LRRC4C: variants seen among roughly 807,000 people sequenced by gnomAD.
LRRC4C encodes leucine-rich repeat-containing protein 4C.
LRRC4C carries 5 observed loss-of-function variants against 33.6 expected under a neutral mutation model. That is an observed-to-expected ratio of 0.15 (90% CI 0.08 to 0.31). LRRC4C has a LOEUF of 0.31. Among genes scored for constraint, LRRC4C ranks in the 10% least tolerant of loss-of-function variants. The probability of loss-of-function intolerance (pLI) is 1.00; values close to 1 mark genes in which losing one functional copy is unlikely to be tolerated. For synonymous variants in LRRC4C, 329 were observed against 302.0 expected (o/e 1.09, Z -0.93); for missense variants, 560 against 796.7 (o/e 0.70, Z 3.58).
intron 1 of LRRC4C, among the ~76,000 whole-genome samples, chr11:40,945,393 T>A (rs990110607): frequency 6.6e-6 from 1 of 152,128 alleles, no homozygotes; most frequent in Non-Finnish European, 1.5e-5. Flanking sequence ...TTAAAAAAAG[T>A]TATCAATTTA....
chr11:40,701,135 T>G (rs183813068), intron 2 of LRRC4C, among the ~76,000 whole-genome samples: 1 of 152,278 alleles, frequency 6.6e-6, no homozygotes, highest in Admixed American at 6.5e-5. Flanking sequence ...AAAGATTTAA[T>G]TATAATCAAA....
intron 1 of LRRC4C, among the ~76,000 whole-genome samples, chr11:41,405,336 T>G (rs1212767601): frequency 6.6e-6 from 1 of 152,148 alleles, no homozygotes; most frequent in Non-Finnish European, 1.5e-5. Flanking sequence ...CATCCAATTT[T>G]CTTGCTTAAA....
chr11:41,080,899 A>G (rs1939524809), intron 1 of LRRC4C, among the ~76,000 whole-genome samples: 1 of 152,194 alleles, frequency 6.6e-6, no homozygotes, highest in Non-Finnish European at 1.5e-5. Context: ...GTCTGAGAAG[A>G]AATTTGATAC....
intron 4 of LRRC4C, among the ~76,000 whole-genome samples, chr11:40,288,597 C>A (rs1402826680): frequency 1.3e-5 from 2 of 152,160 alleles, no homozygotes; most frequent in African/African-American, 4.8e-5. Flanking sequence ...ACCATGACTG[C>A]CTGCCTCAGA....
intron 2 of LRRC4C, among the ~76,000 whole-genome samples, chr11:40,790,656 T>C (rs992737155): frequency 3.3e-5 from 5 of 152,194 alleles, no homozygotes; most frequent in Admixed American, 2.0e-4. Context: ...ACACAGTGCA[T>C]TGGCCTAAAA....
At chr11:40,156,055 G>A (rs973888665) in intron 5 of LRRC4C, among the ~76,000 whole-genome samples, 6 of 151,970 alleles carry the variant, frequency 3.9e-5, no homozygotes, top group African/African-American at 1.2e-4. Flanking sequence ...ACATACGCAC[G>A]TCAATAAATG....
intron 1 of LRRC4C, among the ~76,000 whole-genome samples, chr11:41,176,982 CAAA>C (rs1945230298): frequency 7.7e-5 from 1 of 12,988 alleles, no homozygotes; most frequent in Non-Finnish European, 5.1e-4. Flanking sequence ...CAAAACAAAA[CAAA>C]ACAAAACAAA....
chr11:41,043,261 C>T (rs1426221151), intron 1 of LRRC4C, among the ~76,000 whole-genome samples: 1 of 151,914 alleles, frequency 6.6e-6, no homozygotes, highest in African/African-American at 2.4e-5. Context: ...GTCAAATCCC[C>T]TTGGCTCTTG....
rs187870745 is a variant in LRRC4C at position 40,449,881 on chromosome 11, G to A, written c.-269-130160C>T. On this transcript the variant is annotated intron_variant, in intron 3 of 6. Coordinates refer to ENST00000528697, the MANE Select transcript of LRRC4C (RefSeq NM_001258419.2). ...TGCTATCTGGAGAAATATATTTTCA[G>A]GTAAGGGGAAAGCTGTCCAGAACTC... Among the ~76,000 whole-genome samples, 11 of 152,286 alleles carry A rather than the reference G, an allele frequency of 7.2e-5. No individual in the cohort carries two copies. In the East Asian group the frequency reaches 1.4e-3, roughly 19 times the overall value.
intron 1 of LRRC4C, among the ~76,000 whole-genome samples, chr11:41,284,986 T>A (rs917718538): frequency 1.3e-5 from 2 of 152,204 alleles, no homozygotes; most frequent in African/African-American, 2.4e-5. Context: ...TTTCATCTAA[T>A]TGGTGAAGTA....
intron 3 of LRRC4C, among the ~76,000 whole-genome samples, chr11:40,506,691 A>AT (rs1157808757): frequency 6.6e-6 from 1 of 152,158 alleles, no homozygotes; most frequent in African/African-American, 2.4e-5. Flanking sequence ...AAAAATAGCC[A>AT]TAAAAATTAG....
chr11:40,424,801 A>G (rs1428773165), intron 3 of LRRC4C, among the ~76,000 whole-genome samples: 1 of 152,232 alleles, frequency 6.6e-6, no homozygotes, highest in Non-Finnish European at 1.5e-5. Context: ...AATTCACTCC[A>G]AACTTTTAAC....
chr11:40,118,105 C>A (rs566355010), intron 6 of LRRC4C, among the ~76,000 whole-genome samples: 12 of 147,520 alleles, frequency 8.1e-5, no homozygotes, highest in Non-Finnish European at 1.6e-4. Context: ...ATATTAATTT[C>A]ATTATAAATT....
At chr11:41,352,564 A>G (rs1464725775) in intron 1 of LRRC4C, among the ~76,000 whole-genome samples, 2 of 152,192 alleles carry the variant, frequency 1.3e-5, no homozygotes, top group African/African-American at 2.4e-5. Flanking sequence ...ACAACAGAAT[A>G]GACAGTCTTC....
At chr11:40,990,170 A>G (rs1853411881) in intron 1 of LRRC4C, among the ~76,000 whole-genome samples, 1 of 146,298 alleles carries the variant, frequency 6.8e-6, no homozygotes, top group Admixed American at 6.9e-5. Flanking sequence ...CAGTACTACA[A>G]CTGGACCACT....
intron 4 of LRRC4C, among the ~76,000 whole-genome samples, chr11:40,284,794 T>C (rs1040993679): frequency 6.6e-6 from 1 of 152,056 alleles, no homozygotes; most frequent in Non-Finnish European, 1.5e-5. Flanking sequence ...GATTAAGGAG[T>C]TAAAAAAAAT....
chr11:40,222,613 G>A (rs534990394), intron 5 of LRRC4C, among the ~76,000 whole-genome samples: 88 of 152,256 alleles, frequency 5.8e-4, no homozygotes, highest in Non-Finnish European at 1.1e-3. Context: ...TCTGAACTCA[G>A]TTTTTACTTG....
intron 2 of LRRC4C, among the ~76,000 whole-genome samples, chr11:40,657,880 C>T (rs1303158841): frequency 6.6e-6 from 1 of 152,142 alleles, no homozygotes; most frequent in Non-Finnish European, 1.5e-5. Flanking sequence ...AGGGAGCCTT[C>T]CACTTAGCTT....
At chr11:41,239,321 CAAAAAA>C (rs56018613) in intron 1 of LRRC4C, among the ~76,000 whole-genome samples, 8 of 55,168 alleles carry the variant, frequency 1.5e-4, no homozygotes, top group Non-Finnish European at 9.1e-5. Flanking sequence ...GACTCTGTCT[CAAAAAA>C]AAAAAAAAAA....
Sources: gnomAD v4.1 joint callset for allele counts (sites outside exome capture counted in the v4.1 genomes callset) on GRCh38, gnomAD v4.1.1 for gene constraint, MANE v1.5 for transcripts, NCBI Gene and HGNC (gene_info 2026-07-23, HGNC 2026-07-21) for gene names.